Variants in POLI observed in about 807,000 individuals in gnomAD.
POLI encodes DNA polymerase iota.
Under a neutral mutation model 51.6 loss-of-function variants are expected in POLI, and 58 were observed. The ratio of observed to expected loss-of-function variants is 1.12; its 90% CI spans 0.91 to 1.40. The LOEUF (loss-of-function observed/expected upper bound fraction) is 1.40, where lower values mean the gene tolerates loss of function less well. POLI is among the 40% of genes most tolerant of loss of function. The pLI is 0.00. For missense variants in POLI, 921 were observed against 871.3 expected, an observed-to-expected ratio of 1.06 and a Z score of -0.72; for synonymous variants, 322 against 299.7, an observed-to-expected ratio of 1.07 and a Z score of -0.77.
chr18:54,274,576 C>G (rs2087156317), intron 3 of POLI, among the ~76,000 whole-genome samples: 1 of 151,490 alleles, frequency 6.6e-6, no homozygotes, highest in Non-Finnish European at 1.5e-5. Flanking sequence ...TATATATATA[C>G]TAAATATTAC....
intron 2 of POLI, 114 bp downstream of exon 2, chr18:54,271,599 T>TA (rs2087005322): frequency 4.2e-6 from 3 of 713,534 alleles, no homozygotes; most frequent in Non-Finnish European, 6.6e-6. Context: ...AAGCAGTTCT[T>TA]ACAGTGCTTT....
chr18:54,319,660 T>C (rs181103125), intron 3 of POLI, among the ~76,000 whole-genome samples: 80 of 152,278 alleles, frequency 5.3e-4, no homozygotes, highest in East Asian at 1.9e-4. Flanking sequence ...GTTATTATTA[T>C]ATATGGTACC....
Position 54,292,010 on chromosome 18 carries a change from C to A in POLI, c.1376C>A (p.Thr459Asn). The A allele has an allele frequency of 6.2e-7, 1 of 1,607,018 alleles. No homozygotes were observed. Among genetic ancestry groups the A allele is most frequent in the Non-Finnish European group, 8.5e-7 (1 of 1,175,550 alleles). The part of the protein sequence containing the change: ...IDYYLMPSLS[T>N]TSRSGKHSFK... Reference sequence around the variant, plus strand: ...TATTATTTAATGCCATCATTATCAACTACTTCACGCTCTGGCAAGCACAGT... The same window carrying A: ...TATTATTTAATGCCATCATTATCAAATACTTCACGCTCTGGCAAGCACAGT... Residue 459 changes from threonine to asparagine, a missense_variant, in exon 9 of 10, where the codon ACT becomes AAT. Physicochemically the swap from Thr to Asn is moderately conservative, Grantham distance 65. Coordinates refer to ENST00000579534, the MANE Select transcript of POLI (RefSeq NM_007195.3).
At chr18:54,304,960 A>G (rs527784714) in intron 3 of POLI, among the ~76,000 whole-genome samples, 1 of 152,250 alleles carries the variant, frequency 6.6e-6, no homozygotes, top group South Asian at 2.1e-4. Flanking sequence ...GAAGGGATCC[A>G]GTTTCAGCTT....
At position 54,280,875 on chromosome 18, in the gene POLI, T is replaced by C. The variant is rs758915472; in HGVS notation, c.768T>C (p.His256=). 6.2e-7 allele frequency: 1 copy of C among 1,601,776 alleles called. No individual in the cohort carries two copies. The highest frequency in any genetic ancestry group is 8.6e-7 in the Non-Finnish European group (1 of 1,168,780). The stretch of plus-strand genomic sequence containing the variant: ...CTGAAAGTTGTCAACATCTTATTCA[T>C]AGTTTGAATCACATAAAGGAAATAC... ...LLPESCQHLI[H]SLNHIKEIPG... is the part of the protein sequence containing the mutation. The change falls in exon 5 of 10, where the codon CAT becomes CAC. Residue 256 remains histidine (H), a synonymous_variant. Transcript: ENST00000579534.
At chr18:54,292,487 A>G (rs1267494291) in intron 9 of POLI, among the ~76,000 whole-genome samples, 1 of 152,076 alleles carries the variant, frequency 6.6e-6, no homozygotes, top group Admixed American at 6.6e-5. Flanking sequence ...AGCAATATTG[A>G]TAGATTTGAC....
At chr18:54,318,697 A>G (rs2088762561) in intron 3 of POLI, among the ~76,000 whole-genome samples, 1 of 152,192 alleles carries the variant, frequency 6.6e-6, no homozygotes, top group Non-Finnish European at 1.5e-5. Flanking sequence ...ATATACTGAA[A>G]GCCAACAACC....
intron 3 of POLI, among the ~76,000 whole-genome samples, chr18:54,315,410 G>A (rs573051243): frequency 8.1e-4 from 123 of 152,186 alleles, no homozygotes; most frequent in African/African-American, 2.9e-3. Context: ...AGTATGTTTT[G>A]TGTGTGGATG....
intron 4 of POLI, among the ~76,000 whole-genome samples, chr18:54,320,578 G>C (rs1238949950): frequency 6.6e-6 from 1 of 151,944 alleles, no homozygotes; most frequent in Non-Finnish European, 1.5e-5. Context: ...TTTTTGCTGG[G>C]GCTAAATATT....
At position 54,276,710 on chromosome 18, in the gene POLI, G is replaced by T. The variant is rs3730722; in HGVS notation, c.407-993G>T. 6.1e-3 allele frequency among the ~76,000 whole-genome samples: 927 copies of T among 152,320 alleles called. 7 individuals are homozygous for T. The highest frequency in any genetic ancestry group is 0.019 in the African/African-American group (788 of 41,586). On this transcript the variant is annotated intron_variant, in intron 3 of 9. Coordinates refer to ENST00000579534, the MANE Select transcript of POLI (RefSeq NM_007195.3). ...TCTCTAGGTAATAGTTTTCTCAGGA[G>T]TGATTTTTGGTGTTTGCCATGTCAC...
At position 54,269,633 on chromosome 18, in the gene POLI, G is replaced by T. The variant is rs3730669; in HGVS notation, c.87G>T (p.Ala29=). 8.6e-6 allele frequency: 13 copies of T among 1,508,820 alleles called. No homozygotes were observed. In the South Asian group the frequency reaches 1.5e-4, roughly 17 times the overall value. The allele number at this position is 1,508,820 out of a possible 1,614,324, so 93.5% of individuals were successfully genotyped here. The change falls in exon 1 of 10, where the codon GCG becomes GCT. Residue 29 remains alanine (A), a synonymous_variant. Transcript: ENST00000579534. Reference sequence around the variant, plus strand: ...CCGAGGCCTGGGCCATGGAACTGGCGGACGTGGGGGCGGCAGCCAGCTCGC... The same window carrying T: ...CCGAGGCCTGGGCCATGGAACTGGCTGACGTGGGGGCGGCAGCCAGCTCGC... ...EDAEAWAMEL[A]DVGAAASSQG... is the part of the protein sequence containing the mutation.
At chr18:54,320,820 T>C (rs1464346487) in intron 4 of POLI, among the ~76,000 whole-genome samples, 1 of 152,102 alleles carries the variant, frequency 6.6e-6, no homozygotes, top group Non-Finnish European at 1.5e-5. Context: ...ATTTTTTTTT[T>C]TAAACTTATT....
rs1555678481 is a variant in POLI at position 54,305,498 on chromosome 18, G to GTATACAATCAT, written c.334-14775_334-14774insTATACAATCAT. Reference sequence around the variant, plus strand: ...ACATCCCTTGTAAGTTGGATTCCTAGGTATTTTATTCTCTTTGTAGCAATT... The same window carrying GTATACAATCAT: ...ACATCCCTTGTAAGTTGGATTCCTAGTATACAATCATGTATTTTATTCTCTTTGTAGCAATT... On this transcript the variant is annotated intron_variant, in intron 3 of 4. Transcript: ENST00000579823. Among the ~76,000 whole-genome samples, 166 of 144,552 alleles carry GTATACAATCAT rather than the reference G, an allele frequency of 1.1e-3. 1 individual carries two copies. The highest frequency in any genetic ancestry group is 1.8e-3 in the South Asian group (8 of 4,508). 94.8% of individuals were successfully genotyped at this position (144,552 alleles called of 152,430 possible). A position where few individuals can be genotyped will look rare whatever the true frequency, so the allele number is the denominator to read the frequency against.
At position 54,297,582 on chromosome 18, in the gene POLI, A is replaced by G. The variant is rs906388259; in HGVS notation, c.*3115A>G. ...TATTTTTTAATATATTTCTTTTTCT[A>G]TGTTGTGCTTCTTTCCCACCTTTAT... On this transcript the variant is annotated 3_prime_UTR_variant, in exon 10 of 10. Coordinates refer to ENST00000579534, the MANE Select transcript of POLI (RefSeq NM_007195.3). 2.1e-5 allele frequency: 21 copies of G among 977,976 alleles called. 1 individual carries two copies. Among genetic ancestry groups the G allele is most frequent in the African/African-American group, 1.6e-4 (9 of 56,868 alleles). The allele number at this position is 977,976 out of a possible 1,614,324, so 60.6% of individuals were successfully genotyped here.
intron 8 of POLI, 103 bp downstream of exon 8, chr18:54,287,514 A>G: frequency 2.7e-6 from 2 of 736,424 alleles, no homozygotes; most frequent in Non-Finnish European, 4.5e-6. Flanking sequence ...TTCACAGGGA[A>G]TTAGCAAGCA....
chr18:54,318,066 A>G (rs1265801779), intron 3 of POLI, among the ~76,000 whole-genome samples: 1 of 152,194 alleles, frequency 6.6e-6, no homozygotes, highest in East Asian at 1.9e-4. Context: ...GAATTCGTGC[A>G]ATATAGTATA....
chr18:54,311,947 T>C (rs1473282754), intron 3 of POLI, among the ~76,000 whole-genome samples: 2 of 152,248 alleles, frequency 1.3e-5, no homozygotes, highest in Non-Finnish European at 2.9e-5. Context: ...ATATTCACTT[T>C]CTTTTTTTAA....
intron 8 of POLI, among the ~76,000 whole-genome samples, chr18:54,288,112 TTTTTCCAAAG>T (rs1175509894): frequency 6.6e-6 from 1 of 152,176 alleles, no homozygotes; most frequent in African/African-American, 2.4e-5. Flanking sequence ...GCTGCCAACT[TTTTTCCAAAG>T]TTTGTGTATT....
rs2087007107 is a variant in POLI at position 54,271,651 on chromosome 18, CAAGCCTCATTT to C, written c.241+169_241+179del. ...GCTTCACTACCAAGTGTAAATTTTA[CAAGCCTCATTT>C]AATAAGTGGTGAATCTGAGAATAGT... is the stretch of plus-strand genomic sequence containing the variant. On this transcript the variant is annotated intron_variant, in intron 2 of 9. Transcript: ENST00000579534. Among the ~76,000 whole-genome samples the C allele has an allele frequency of 5.3e-5, 8 of 152,314 alleles. No homozygotes were observed. In the South Asian group the frequency reaches 1.7e-3, roughly 32 times the overall value.
Sources: gnomAD v4.1 joint callset for allele counts (sites outside exome capture counted in the v4.1 genomes callset) on GRCh38, gnomAD v4.1.1 for gene constraint, MANE v1.5 for transcripts, NCBI Gene and HGNC (gene_info 2026-07-23, HGNC 2026-07-21) for gene names.